Variants in WWOX observed in about 807,000 individuals in gnomAD.
WWOX encodes the protein WW domain containing oxidoreductase, also known as WW domain-containing oxidoreductase.
In WWOX, 69 loss-of-function variants were observed where a neutral mutation model predicts 46.2. That is an observed-to-expected ratio of 1.49 (90% CI 1.23 to 1.82). The LOEUF is 1.82. Ranked by LOEUF, WWOX falls within the 40% of genes most tolerant of loss-of-function variation. The pLI is 0.00. For missense variants in WWOX, 919 were observed against 542.6 expected, an observed-to-expected ratio of 1.69 and a Z score of -6.89; for synonymous variants, 359 against 202.6, an observed-to-expected ratio of 1.77 and a Z score of -6.56.
chr16:78,322,404 C>T (rs1004703713), intron 5 of WWOX, among the ~76,000 whole-genome samples: 1 of 152,172 alleles, frequency 6.6e-6, no homozygotes, highest in Non-Finnish European at 1.5e-5. Flanking sequence ...ATGACTAGCA[C>T]TCACTGAGTG....
intron 5 of WWOX, among the ~76,000 whole-genome samples, chr16:78,346,436 G>A (rs1356636239): frequency 8.4e-6 from 1 of 119,326 alleles, no homozygotes; most frequent in Admixed American, 8.2e-5. Context: ...GGGCAGGGTG[G>A]TCCGTATAGG....
intron 8 of WWOX, among the ~76,000 whole-genome samples, chr16:78,812,043 C>A (rs2051202988): frequency 6.6e-6 from 1 of 152,002 alleles, no homozygotes; most frequent in South Asian, 2.1e-4. Context: ...TCATTGTTTA[C>A]CCTCTCACAC....
At chr16:79,099,354 A>G (rs375468482) in intron 8 of WWOX, among the ~76,000 whole-genome samples, 284 of 152,314 alleles carry the variant, frequency 1.9e-3, no homozygotes, top group Middle Eastern at 6.8e-3. Flanking sequence ...TTACAAAAAG[A>G]AAAACAATGT....
chr16:79,169,594 G>A (rs760403784), intron 8 of WWOX, among the ~76,000 whole-genome samples: 1 of 152,186 alleles, frequency 6.6e-6, no homozygotes, highest in Non-Finnish European at 1.5e-5. Flanking sequence ...TTTTGAGAAT[G>A]TGCTTCCTGC....
intron 5 of WWOX, among the ~76,000 whole-genome samples, chr16:78,215,319 A>G (rs1411745089): frequency 6.6e-6 from 1 of 152,180 alleles, no homozygotes; most frequent in Admixed American, 6.5e-5. Context: ...TTTGAACTGT[A>G]ATCTCCATAA....
At chr16:78,734,587 G>A (rs1443967546) in intron 8 of WWOX, among the ~76,000 whole-genome samples, 1 of 152,062 alleles carries the variant, frequency 6.6e-6, no homozygotes, top group Non-Finnish European at 1.5e-5. Context: ...TGAACCTGAT[G>A]GTTAGTTTCC....
At position 79,022,283 on chromosome 16, in the gene WWOX, C is replaced by G. The variant is rs1036508960; in HGVS notation, c.1057-189325C>G. 2.7e-5 allele frequency among the ~76,000 whole-genome samples: 4 copies of G among 148,398 alleles called. No individual in the cohort carries two copies. In the South Asian group the frequency reaches 8.6e-4, roughly 32 times the overall value. On this transcript the variant is annotated intron_variant, in intron 8 of 8. Coordinates refer to ENST00000566780, the MANE Select transcript of WWOX (RefSeq NM_016373.4). ...GGCACATTGGCAGCTGCGAAAAGCT[C>G]GCTCTGATGCCTGTGTGGGGACAGA... is the stretch of plus-strand genomic sequence containing the variant.
At chr16:78,715,895 G>C (rs2048550161) in intron 8 of WWOX, among the ~76,000 whole-genome samples, 1 of 152,142 alleles carries the variant, frequency 6.6e-6, no homozygotes, top group Admixed American at 6.5e-5. Flanking sequence ...AGGAATGCTG[G>C]GATACGATGG....
chr16:78,860,701 C>G (rs1454278244), intron 8 of WWOX, among the ~76,000 whole-genome samples: 2 of 152,182 alleles, frequency 1.3e-5, no homozygotes, highest in Non-Finnish European at 2.9e-5. Context: ...TTAGCAGTGC[C>G]AACATCCGCT....
chr16:78,508,167 C>T (rs996717168), intron 8 of WWOX, among the ~76,000 whole-genome samples: 2 of 152,076 alleles, frequency 1.3e-5, no homozygotes, highest in Admixed American at 1.3e-4. Context: ...CACCACCAAG[C>T]TTTGCTAATT....
rs540691476 is a variant in WWOX at position 78,156,768 on chromosome 16, A to G, written c.410-7415A>G. On this transcript the variant is annotated intron_variant, in intron 4 of 8. Transcript: ENST00000566780. ...GTGAAATCCCGTCTCTACTAAAAAT[A>G]CAAAAATTAGCTGGGTGTGGTGGCA... is the stretch of plus-strand genomic sequence containing the variant. Among the ~76,000 whole-genome samples, 3 of 152,304 alleles carry G rather than the reference A, an allele frequency of 2.0e-5. No homozygotes were observed. In the South Asian group the frequency reaches 6.2e-4, roughly 32 times the overall value.
At position 78,978,733 on chromosome 16, in the gene WWOX, A is replaced by C. The variant is rs560631719; in HGVS notation, c.1057-232875A>C. 3.3e-5 allele frequency among the ~76,000 whole-genome samples: 5 copies of C among 152,176 alleles called. No homozygotes were observed. In the South Asian group the frequency reaches 1.0e-3, roughly 32 times the overall value. On this transcript the variant is annotated intron_variant, in intron 8 of 8. Coordinates refer to ENST00000566780, the MANE Select transcript of WWOX (RefSeq NM_016373.4). Reference sequence around the variant, plus strand: ...ACTGGGGAGGCGCTACACACTTTTCAACCACCGAATCGCATGAGAACTCTC... The same window carrying C: ...ACTGGGGAGGCGCTACACACTTTTCCACCACCGAATCGCATGAGAACTCTC...
intron 5 of WWOX, among the ~76,000 whole-genome samples, chr16:78,234,471 G>C (rs527466266): frequency 1.3e-5 from 2 of 152,068 alleles, no homozygotes; most frequent in African/African-American, 4.8e-5. Flanking sequence ...GTTTTTGTAC[G>C]TCTCTGCAGA....
In WWOX at chr16:78,557,604, C is replaced by T. The variant is rs115358381; in HGVS notation, c.1056+124852C>T. ...AGCTGAAGAGGATGACCCTCTATCA[C>T]AGCCTTTGCTAAAACCACTGAAAAC... On this transcript the variant is annotated intron_variant, in intron 8 of 8. Coordinates refer to ENST00000566780, the MANE Select transcript of WWOX (RefSeq NM_016373.4). 2.0e-5 allele frequency among the ~76,000 whole-genome samples: 3 copies of T among 151,734 alleles called. 1 individual carries two copies. The South Asian group carries it at 6.2e-4, about 31-fold the overall frequency.
chr16:79,012,131 G>T (rs923585446), intron 8 of WWOX, among the ~76,000 whole-genome samples: 4 of 152,180 alleles, frequency 2.6e-5, no homozygotes, highest in African/African-American at 9.7e-5. Context: ...CTGTCCAATA[G>T]AACTTTCTGC....
chr16:79,042,928 T>G (rs1213597138), intron 8 of WWOX, among the ~76,000 whole-genome samples: 1 of 152,238 alleles, frequency 6.6e-6, no homozygotes, highest in Middle Eastern at 3.2e-3. Context: ...AATTTCATGA[T>G]GAGCAAATGC....
At chr16:78,764,728 C>G (rs2049887731) in intron 8 of WWOX, among the ~76,000 whole-genome samples, 1 of 151,262 alleles carries the variant, frequency 6.6e-6, no homozygotes, top group Non-Finnish European at 1.5e-5. Flanking sequence ...GTACCTCCTT[C>G]CTAAGGCTGT....
chr16:78,678,975 C>T (rs1372530029), intron 8 of WWOX, among the ~76,000 whole-genome samples: 1 of 152,102 alleles, frequency 6.6e-6, no homozygotes, highest in Non-Finnish European at 1.5e-5. Flanking sequence ...TGGCCCTAGA[C>T]CCTTTTCCTC....
intron 8 of WWOX, among the ~76,000 whole-genome samples, chr16:78,784,125 C>G (rs374313452): frequency 1.2e-4 from 18 of 152,220 alleles, no homozygotes; most frequent in Admixed American, 5.2e-4. Flanking sequence ...TGCATTTACA[C>G]CAAATTCTTA....
Sources: allele counts gnomAD v4.1 joint callset (sites outside exome capture counted in the v4.1 genomes callset), GRCh38; gene constraint gnomAD v4.1.1; transcripts MANE v1.5; gene names NCBI Gene and HGNC (gene_info 2026-07-23, HGNC 2026-07-21).